GPRIN3: variants seen among roughly 807,000 people sequenced by gnomAD.
GPRIN3 encodes the protein G protein-regulated inducer of neurite outgrowth 3.
In GPRIN3, 12 loss-of-function variants were observed where a neutral mutation model predicts 13.7. That is an observed-to-expected ratio of 0.87 (90% CI 0.56 to 1.42). The LOEUF (loss-of-function observed/expected upper bound fraction) is 1.42, where lower values mean the gene tolerates loss of function less well. Ranked by LOEUF, GPRIN3 falls within the 40% of genes most tolerant of loss-of-function variation. The pLI, the probability that GPRIN3 is intolerant of heterozygous loss-of-function variation, is 0.00. For synonymous variants in GPRIN3, 377 were observed against 372.7 expected (o/e 1.01, Z -0.13); for missense variants, 1,009 against 958.7 (o/e 1.05, Z -0.69).
In GPRIN3 at chr4:89,248,163, T is replaced by C. The variant is rs1723166867; in HGVS notation, c.1948A>G (p.Thr650Ala). The change falls in exon 2 of 2, where the codon ACA becomes GCA. Residue 650 changes from threonine to alanine, a missense_variant. Coordinates refer to ENST00000609438, the MANE Select transcript of GPRIN3 (RefSeq NM_198281.3). The stretch of plus-strand genomic sequence containing the variant: ...AGTCCTACCTGAGCAGCAGCTGCTG[T>C]CACATTTAACTTTTGCTCCTTGAGG... ...EFLKEQKLNV[T>A]AAAAQVGLTP... 6.2e-7 allele frequency: 1 copy of C among 1,614,008 alleles called. No individual in the cohort carries two copies. The highest frequency in any genetic ancestry group is 1.3e-5 in the African/African-American group (1 of 74,902).
At chr4:89,290,332 C>G (rs1208556041) in intron 1 of GPRIN3, among the ~76,000 whole-genome samples, 1 of 152,020 alleles carries the variant, frequency 6.6e-6, no homozygotes, top group Non-Finnish European at 1.5e-5. Context: ...CAGGCCATGT[C>G]CCCTGGACTG....
chr4:89,256,914 A>G (rs1328957275), intron 1 of GPRIN3, among the ~76,000 whole-genome samples: 1 of 152,198 alleles, frequency 6.6e-6, no homozygotes, highest in African/African-American at 2.4e-5. Flanking sequence ...TTTTGCCTGG[A>G]TCATTTGCAT....
intron 1 of GPRIN3, among the ~76,000 whole-genome samples, chr4:89,304,918 A>G (rs1289423071): frequency 6.6e-6 from 1 of 152,228 alleles, no homozygotes; most frequent in Non-Finnish European, 1.5e-5. Flanking sequence ...TATTTGAGCC[A>G]AAAATAATTA....
chr4:89,273,083 C>T (rs1375647619), intron 1 of GPRIN3, among the ~76,000 whole-genome samples: 3 of 152,158 alleles, frequency 2.0e-5, no homozygotes, highest in Admixed American at 6.5e-5. Context: ...ACATGGCAAT[C>T]TCACTAAGTT....
Position 89,243,746 on chromosome 4 carries a change from G to T in GPRIN3, c.*4034C>A, listed in dbSNP as rs1723011262. ...AGATAATTAGTAAATCAGGCAGGTA[G>T]AGGTCTACACAAGGCTACAAGTGCC... On this transcript the variant is annotated 3_prime_UTR_variant, in exon 2 of 2. Transcript: ENST00000609438. 6.6e-6 allele frequency: 1 copy of T among 152,192 alleles called. No homozygotes were observed. The highest frequency in any genetic ancestry group is 6.5e-5 in the Admixed American group (1 of 15,276). 9.4% of individuals were successfully genotyped at this position (152,192 alleles called of 1,614,324 possible).
rs1228002588 is a variant in GPRIN3 at position 89,248,816 on chromosome 4, T to G, written c.1295A>C (p.His432Pro). The change falls in exon 2 of 2, where the codon CAT becomes CCT. Residue 432 changes from histidine (H) to proline (P), a missense_variant. Physicochemically the swap from His to Pro is moderately conservative, Grantham distance 77 (BLOSUM62 -2). Coordinates refer to ENST00000609438, the MANE Select transcript of GPRIN3 (RefSeq NM_198281.3). ...SINLVSSNAQ[H>P]TCKEDGRLAG... The stretch of plus-strand genomic sequence containing the variant: ...TAACCTCCCATCTTCTTTACACGTA[T>G]GCTGGGCATTACTGGAGACCAAATT... 4 of 1,614,182 alleles carry G rather than the reference T, an allele frequency of 2.5e-6. No individual in the cohort carries two copies. The highest frequency in any genetic ancestry group is 3.3e-4 in the Middle Eastern group (2 of 6,062).
Position 89,250,158 on chromosome 4 carries a change from C to T in GPRIN3, c.-48G>A, listed in dbSNP as rs750203632. ...CCAGAGCTCTCTTGAGTACTGGTCCCACTGGTGGGGGAGGGGAGCGCAGTC... is the reference window on the plus strand; with the variant it reads ...CCAGAGCTCTCTTGAGTACTGGTCCTACTGGTGGGGGAGGGGAGCGCAGTC... On this transcript the variant is annotated 5_prime_UTR_variant, in exon 2 of 2. Transcript: ENST00000609438. 1.3e-6 allele frequency: 2 copies of T among 1,555,020 alleles called. No individual in the cohort carries two copies. Among genetic ancestry groups the T allele is most frequent in the Admixed American group, 3.7e-5 (2 of 53,908 alleles).
At position 89,249,346 on chromosome 4, in the gene GPRIN3, C is replaced by T. The variant is rs17825627; in HGVS notation, c.765G>A (p.Ser255=). 0.038 allele frequency: 60,535 copies of T among 1,613,940 alleles called. 1,455 individuals carry two copies. The highest frequency in any genetic ancestry group is 0.041 in the Non-Finnish European group (47,885 of 1,179,952). The change falls in exon 2 of 2, where the codon TCG becomes TCA. Residue 255 remains serine, a synonymous_variant. Coordinates refer to ENST00000609438, the MANE Select transcript of GPRIN3 (RefSeq NM_198281.3). ...SENKQPSVTA[S]GPQGTTSVTP... is the part of the protein sequence containing the mutation. ...TCACAGAAGTTGTGCCTTGGGGGCC[C>T]GAGGCAGTGACAGAGGGCTGCTTGT...
At position 89,249,505 on chromosome 4, in the gene GPRIN3, T is replaced by G; in HGVS notation, c.606A>C (p.Pro202=). The G allele has an allele frequency of 6.2e-7, 1 of 1,614,154 alleles. No individual in the cohort carries two copies. The highest frequency in any genetic ancestry group is 8.5e-7 in the Non-Finnish European group (1 of 1,180,008). Residue 202 remains proline, a synonymous_variant, in exon 2 of 2, where the codon CCA becomes CCC. Transcript: ENST00000609438. ...GACTGACCACCCTGGCTGCTGTCAC[T>G]GGAGTCTGCACTGTTCCCTGGATTG... ...PETIQGTVQT[P]VTAARVVSHS...
Position 89,250,148 on chromosome 4 carries a change from G to A in GPRIN3, c.-38C>T. ...CAGGAGCACTCCAGAGCTCTCTTGAGTACTGGTCCCACTGGTGGGGGAGGG... is the reference window on the plus strand; with the variant it reads ...CAGGAGCACTCCAGAGCTCTCTTGAATACTGGTCCCACTGGTGGGGGAGGG... On this transcript the variant is annotated 5_prime_UTR_variant, in exon 2 of 2. Coordinates refer to ENST00000609438, the MANE Select transcript of GPRIN3 (RefSeq NM_198281.3). 1 of 1,570,010 alleles carries A rather than the reference G, an allele frequency of 6.4e-7. No individual in the cohort carries two copies. The highest frequency in any genetic ancestry group is 8.7e-7 in the Non-Finnish European group (1 of 1,156,050).
chr4:89,298,169 T>C (rs915909472), intron 1 of GPRIN3, among the ~76,000 whole-genome samples: 2 of 152,132 alleles, frequency 1.3e-5, no homozygotes, highest in Non-Finnish European at 2.9e-5. Context: ...ACCAGCAGAC[T>C]CTTGTAAGAA....
At chr4:89,277,365 G>A (rs1446993315) in intron 1 of GPRIN3, among the ~76,000 whole-genome samples, 2 of 152,170 alleles carry the variant, frequency 1.3e-5, no homozygotes, top group African/African-American at 4.8e-5. Context: ...CCACAGACTG[G>A]GCATGACAGG....
At position 89,270,321 on chromosome 4, in the gene GPRIN3, AAAAC is replaced by A. The variant is rs34762090; in HGVS notation, c.-123-20092_-123-20089del. Among the ~76,000 whole-genome samples, 317 of 149,960 alleles carry A rather than the reference AAAAC, an allele frequency of 2.1e-3. 8 individuals are homozygous for A. The East Asian group carries it at 0.057, about 27-fold the overall frequency. On this transcript the variant is annotated intron_variant, in intron 1 of 1. Transcript: ENST00000609438. ...TCTCTCTGCAATTCTCTTTTATGGC[AAAAC>A]AAACAAACAAACAAACAAAAAAACA...
In GPRIN3 at chr4:89,249,748, A is replaced by G. The variant is rs1174253541; in HGVS notation, c.363T>C (p.Leu121=). ...CGGGCATTGTCAATGGTGTGTGTAT[A>G]AGATCCCTTCCTGCTGCAGAACTCG... The part of the protein sequence containing the change: ...SAPSSAAGRD[L]IHTPLTMPAN... The change falls in exon 2 of 2, where the codon CTT becomes CTC. Residue 121 remains leucine (L), a synonymous_variant. Transcript: ENST00000609438. 3.1e-6 allele frequency: 5 copies of G among 1,614,098 alleles called. No homozygotes were observed. Among genetic ancestry groups the G allele is most frequent in the Non-Finnish European group, 4.2e-6 (5 of 1,179,996 alleles).
chr4:89,267,620 T>G (rs779731403), intron 1 of GPRIN3, among the ~76,000 whole-genome samples: 1 of 152,226 alleles, frequency 6.6e-6, no homozygotes, highest in Non-Finnish European at 1.5e-5. Context: ...CATTCTTTCC[T>G]GTCTGGGCCC....
At chr4:89,298,502 A>G (rs1816367) in intron 1 of GPRIN3, among the ~76,000 whole-genome samples, 29,459 of 151,788 alleles carry the variant, frequency 0.19, 3,118 homozygotes, top group African/African-American at 0.26. Context: ...TACCAGGGGA[A>G]TTCTCTGAGA....
At chr4:89,266,266 C>T (rs977048446) in intron 1 of GPRIN3, among the ~76,000 whole-genome samples, 4 of 152,174 alleles carry the variant, frequency 2.6e-5, no homozygotes, top group East Asian at 1.9e-4. Context: ...CTGCCCCTAA[C>T]GGACAGACAA....
intron 1 of GPRIN3, among the ~76,000 whole-genome samples, chr4:89,270,585 AT>A (rs1304340706): frequency 2.3e-4 from 20 of 85,478 alleles, no homozygotes; most frequent in African/African-American, 8.1e-4. Flanking sequence ...ATATATATAT[AT>A]ATATATATAT....
intron 1 of GPRIN3, among the ~76,000 whole-genome samples, chr4:89,261,566 C>A (rs1254268499): frequency 6.6e-6 from 1 of 152,156 alleles, no homozygotes; most frequent in Non-Finnish European, 1.5e-5. Flanking sequence ...CTATAAGGAA[C>A]AATTTGGCAA....
Sources: gnomAD v4.1 joint callset for allele counts (sites outside exome capture counted in the v4.1 genomes callset) on GRCh38, gnomAD v4.1.1 for gene constraint, MANE v1.5 for transcripts, NCBI Gene and HGNC (gene_info 2026-07-23, HGNC 2026-07-21) for gene names.